GATA4: variants seen among roughly 807,000 people sequenced by gnomAD.
GATA4 encodes the protein GATA binding protein 4, also known as transcription factor GATA-4.
Under a neutral mutation model 37.9 loss-of-function variants are expected in GATA4, and 7 were observed. The observed-to-expected ratio is 0.18, with a 90% confidence interval of 0.11 to 0.35. GATA4 has a LOEUF of 0.35. GATA4 is among the 10% of genes least tolerant of loss of function. The probability of loss-of-function intolerance (pLI) is 1.00; values close to 1 mark genes in which losing one functional copy is unlikely to be tolerated. For missense variants in GATA4, 647 were observed against 653.0 expected, an observed-to-expected ratio of 0.99 and a Z score of 0.10; for synonymous variants, 372 against 292.6, an observed-to-expected ratio of 1.27 and a Z score of -2.77.
chr8:11,725,393 C>G (rs747263913), intron 2 of GATA4, among the ~76,000 whole-genome samples: 2 of 152,248 alleles, frequency 1.3e-5, no homozygotes, highest in Non-Finnish European at 2.9e-5. Context: ...GTGCATCACG[C>G]AAGGGCTGGG....
upstream of GATA4, among the ~76,000 whole-genome samples, chr8:11,689,189 G>A (rs1258728587): frequency 1.3e-5 from 2 of 152,204 alleles, no homozygotes; most frequent in African/African-American, 4.8e-5. Context: ...CTTCAGGCCA[G>A]TAACCACTTA....
In GATA4 at chr8:11,749,225, A is replaced by C; in HGVS notation, c.786+140A>C. ...GGGTGAGAGCCCCATAATAATTCTC[A>C]CAACTTTAGAGTTAGCTGGAGCCAC... On this transcript the variant is annotated intron_variant, in intron 3 of 6. Coordinates refer to ENST00000532059, the MANE Select transcript of GATA4 (RefSeq NM_001308093.3). The surrounding 1 kb of genome is among the most constrained non-coding windows in gnomAD (Gnocchi z 4.6). 3.6e-6 allele frequency: 3 copies of C among 836,384 alleles called. No individual in the cohort carries two copies. Among genetic ancestry groups the C allele is most frequent in the Non-Finnish European group, 3.8e-6 (2 of 520,686 alleles). 51.8% of individuals were successfully genotyped at this position (836,384 alleles called of 1,614,324 possible). A position where few individuals can be genotyped will look rare whatever the true frequency, so the allele number is the denominator to read the frequency against.
rs1321483959 is a variant in GATA4 at position 11,749,762 on chromosome 8, CA to C, written c.787-348del. Among the ~76,000 whole-genome samples, 1 of 152,242 alleles carries C rather than the reference CA, an allele frequency of 6.6e-6. No individual in the cohort carries two copies. The highest frequency in any genetic ancestry group is 1.5e-5 in the Non-Finnish European group (1 of 68,040). On this transcript the variant is annotated intron_variant, in intron 3 of 6. Coordinates refer to ENST00000532059, the MANE Select transcript of GATA4 (RefSeq NM_001308093.3). The surrounding 1 kb of genome is among the most constrained non-coding windows in gnomAD (Gnocchi z 4.6). ...TTCCTCACTCTCTGCCTGCCCCCGG[CA>C]CCTGCAGCCCCGGTCAGTTCTCCTC...
Position 11,697,921 on chromosome 8 carries a change from C to G in GATA4, c.-728-2587C>G, listed in dbSNP as rs916101017. On this transcript the variant is annotated intron_variant, in intron 1 of 2. Coordinates refer to the GATA4 transcript ENST00000526974. ...CAGATCTCTGGGGGACCCACCAGTC[C>G]CCTGATGTGCGCGTTGAGGTCTTGG... is the stretch of plus-strand genomic sequence containing the variant. 5 of 985,368 alleles carry G rather than the reference C, an allele frequency of 5.1e-6. No homozygotes were observed. The East Asian group carries it at 5.7e-4, about 112-fold the overall frequency. The allele number at this position is 985,368 out of a possible 1,614,324, so 61.0% of individuals were successfully genotyped here.
At chr8:11,740,148 G>A (rs990114974) in intron 2 of GATA4, among the ~76,000 whole-genome samples, 2 of 152,204 alleles carry the variant, frequency 1.3e-5, no homozygotes, top group Non-Finnish European at 2.9e-5. Context: ...GCAGGACCCA[G>A]TGCCCAATGC....
chr8:11,680,178 C>A (rs1010278799), intron 1 of GATA4, among the ~76,000 whole-genome samples: 1 of 152,220 alleles, frequency 6.6e-6, no homozygotes, highest in African/African-American at 2.4e-5. Context: ...CCACCTAGGC[C>A]GCTCTGGGGC....
intron 2 of GATA4, among the ~76,000 whole-genome samples, chr8:11,725,058 C>G (rs1800851314): frequency 6.6e-6 from 1 of 152,246 alleles, no homozygotes; most frequent in Admixed American, 6.5e-5. Context: ...GCTTCACCGC[C>G]TTTCATTCTC....
At chr8:11,727,658 C>CA (rs1800997270) in intron 2 of GATA4, among the ~76,000 whole-genome samples, 1 of 151,926 alleles carries the variant, frequency 6.6e-6, no homozygotes, top group Admixed American at 6.6e-5. Context: ...GACTGGGCAA[C>CA]ATGATGAAAC....
At chr8:11,697,738 G>T (rs1585572907) in intron 1 of GATA4, 11 of 985,202 alleles carry the variant, frequency 1.1e-5, no homozygotes, top group Non-Finnish European at 1.3e-5. Flanking sequence ...GTCTCTGCTC[G>T]CCGCGCCAGG....
chr8:11,710,164 G>T (rs1445603818), intron 2 of GATA4, among the ~76,000 whole-genome samples: 1 of 152,144 alleles, frequency 6.6e-6, no homozygotes, highest in Non-Finnish European at 1.5e-5. Flanking sequence ...GTTCCCGGGG[G>T]TGCAGCCAAA....
chr8:11,694,215 A>G (rs1473407809), intron 1 of GATA4, among the ~76,000 whole-genome samples: 1 of 152,216 alleles, frequency 6.6e-6, no homozygotes, highest in African/African-American at 2.4e-5. Context: ...TAAACATTCA[A>G]TAAATGTTTG....
chr8:11,711,035 C>T (rs1218521666), intron 2 of GATA4, among the ~76,000 whole-genome samples: 1 of 152,118 alleles, frequency 6.6e-6, no homozygotes, highest in Non-Finnish European at 1.5e-5. Flanking sequence ...CGGTTGAACC[C>T]GGGAGGCGGA....
At position 11,755,487 on chromosome 8, in the gene GATA4, T is replaced by C. The variant is rs544543417; in HGVS notation, c.1000+354T>C. Among the ~76,000 whole-genome samples, 85 of 152,322 alleles carry C rather than the reference T, an allele frequency of 5.6e-4. No individual in the cohort carries two copies. In the South Asian group the frequency reaches 0.012, roughly 22 times the overall value. On this transcript the variant is annotated intron_variant, in intron 5 of 6. Coordinates refer to ENST00000532059, the MANE Select transcript of GATA4 (RefSeq NM_001308093.3). ...CACCCAAAAGCTCAGTTCCTTTCAATTCTCTTTGGGCTAACGGGGATCCAG... is the reference window on the plus strand; with the variant it reads ...CACCCAAAAGCTCAGTTCCTTTCAACTCTCTTTGGGCTAACGGGGATCCAG...
intron 1 of GATA4, chr8:11,680,521 C>A (rs1798924208): frequency 1.0e-6 from 1 of 985,350 alleles, no homozygotes; most frequent in African/African-American, 1.7e-5. Flanking sequence ...CAGGTCACCT[C>A]GGACGGGTGT....
chr8:11,683,220 A>T, intron 1 of GATA4: 1 of 793,070 alleles, frequency 1.3e-6, no homozygotes, highest in Non-Finnish European at 1.5e-6. Flanking sequence ...ATTTATCCGG[A>T]GCGGGGGAGG....
chr8:11,713,876 G>A (rs985985189), intron 2 of GATA4, among the ~76,000 whole-genome samples: 3 of 152,210 alleles, frequency 2.0e-5, no homozygotes, highest in African/African-American at 4.8e-5. Context: ...TGAAACGGAC[G>A]TAGCCGGAGA....
chr8:11,756,411 G>T, intron 5 of GATA4: 1 of 193,214 alleles, frequency 5.2e-6, no homozygotes, highest in South Asian at 9.3e-5. Context: ...CTCTCACGTA[G>T]CAATCACAGA....
chr8:11,724,240 C>G (rs1285820355), intron 2 of GATA4, among the ~76,000 whole-genome samples: 1 of 152,036 alleles, frequency 6.6e-6, no homozygotes, highest in Admixed American at 6.5e-5. Flanking sequence ...TTGCGTCTGC[C>G]CATTGACCAT....
chr8:11,746,986 T>C (rs1802064376), intron 2 of GATA4, among the ~76,000 whole-genome samples: 1 of 152,212 alleles, frequency 6.6e-6, no homozygotes, highest in Non-Finnish European at 1.5e-5. Context: ...TCCTCTTCTC[T>C]GGCCCACATT....
Sources: gnomAD v4.1 joint callset for allele counts (sites outside exome capture counted in the v4.1 genomes callset) on GRCh38, gnomAD v4.1.1 for gene constraint, Gnocchi (gnomAD v3.1) non-coding constraint, MANE v1.5 for transcripts, NCBI Gene and HGNC (gene_info 2026-07-23, HGNC 2026-07-21) for gene names.